Variants in PTPRN2 observed in about 807,000 individuals in gnomAD.
PTPRN2 encodes receptor-type tyrosine-protein phosphatase N2.
A neutral mutation model predicts 118.8 loss-of-function variants in PTPRN2; 74 were observed. The observed-to-expected ratio is 0.62, with a 90% CI of 0.52 to 0.76. The LOEUF is 0.76. Ranked by LOEUF, PTPRN2 falls within the 30% of genes least tolerant of loss-of-function variation. The probability of loss-of-function intolerance (pLI) is 0.00; values close to 1 mark genes in which losing one functional copy is unlikely to be tolerated. For synonymous variants in PTPRN2, 641 were observed against 608.0 expected (o/e 1.05, Z -0.80); for missense variants, 1,481 against 1,394.4 (o/e 1.06, Z -0.99).
chr7:158,219,746 T>A (rs1223755489), intron 3 of PTPRN2, among the ~76,000 whole-genome samples: 1 of 151,678 alleles, frequency 6.6e-6, no homozygotes, highest in Non-Finnish European at 1.5e-5. Context: ...GTTTTCTGGG[T>A]TTTTTCCATT....
intron 11 of PTPRN2, among the ~76,000 whole-genome samples, chr7:158,051,575 G>A (rs1319627571): frequency 6.6e-6 from 1 of 152,200 alleles, no homozygotes; most frequent in Non-Finnish European, 1.5e-5. Flanking sequence ...TCAGGAAGCT[G>A]GAAAAGTGGC....
intron 11 of PTPRN2, among the ~76,000 whole-genome samples, chr7:157,968,952 G>A (rs376479258): frequency 2.9e-4 from 44 of 152,168 alleles, no homozygotes; most frequent in African/African-American, 8.9e-4. Flanking sequence ...GGAAGGTGCC[G>A]AAGAAACAGC....
intron 5 of PTPRN2, among the ~76,000 whole-genome samples, chr7:158,187,725 T>C (rs1473370433): frequency 6.6e-6 from 1 of 152,236 alleles, no homozygotes; most frequent in Non-Finnish European, 1.5e-5. Flanking sequence ...AATAACCGTT[T>C]GACAGCTGTG....
chr7:157,701,556 T>A (rs957388265), intron 12 of PTPRN2, among the ~76,000 whole-genome samples: 6 of 152,180 alleles, frequency 3.9e-5, no homozygotes, highest in African/African-American at 1.4e-4. Flanking sequence ...CTCCGGCAGC[T>A]CCAGATGCAC....
At chr7:158,309,366 C>A (rs145467168) in intron 3 of PTPRN2, among the ~76,000 whole-genome samples, 3 of 100,952 alleles carry the variant, frequency 3.0e-5, no homozygotes, top group Middle Eastern at 4.9e-3. Context: ...TACTCCCCTG[C>A]GGGATGCTTC....
intron 11 of PTPRN2, among the ~76,000 whole-genome samples, chr7:158,025,731 A>G (rs961630021): frequency 6.6e-6 from 1 of 152,232 alleles, no homozygotes; most frequent in Non-Finnish European, 1.5e-5. Flanking sequence ...AAACACTTAT[A>G]AAAAGGATTC....
chr7:158,269,033 G>C (rs977519464), intron 3 of PTPRN2, among the ~76,000 whole-genome samples: 1 of 152,234 alleles, frequency 6.6e-6, no homozygotes, highest in African/African-American at 2.4e-5. Context: ...CCCCGGCTTT[G>C]TTTTCTAGGA....
Position 158,546,463 on chromosome 7 carries a change from G to A in PTPRN2, c.112+41095C>T, listed in dbSNP as rs1288621432. ...CAGCCGCCGGGTTAAGGGGCTCATG[G>A]CGGAGGCAAGCCCCAGTGTCCCAGG... On this transcript the variant is annotated intron_variant, in intron 1 of 22. Transcript: ENST00000389418. This position sits in a 1 kb window ranked among gnomAD's most constrained non-coding sequence, Gnocchi z 5.0. Among the ~76,000 whole-genome samples the A allele has an allele frequency of 1.3e-5, 2 of 152,234 alleles. No homozygotes were observed. The highest frequency in any genetic ancestry group is 4.8e-5 in the African/African-American group (2 of 41,474).
At chr7:157,650,559 C>T (rs1805584618) in intron 14 of PTPRN2, among the ~76,000 whole-genome samples, 1 of 152,208 alleles carries the variant, frequency 6.6e-6, no homozygotes, top group African/African-American at 2.4e-5. Context: ...GCGAGAACGG[C>T]CAGCCCAGCC....
In PTPRN2 at chr7:158,444,106, T is replaced by G. The variant is rs1343870605; in HGVS notation, c.163+45629A>C. 2.6e-5 allele frequency among the ~76,000 whole-genome samples: 4 copies of G among 152,232 alleles called. 1 individual carries two copies. In the South Asian group the frequency reaches 8.3e-4, roughly 32 times the overall value. On this transcript the variant is annotated intron_variant, in intron 2 of 22. Transcript: ENST00000389418. ...GAGAAGGGAGGGGGCCTGTGGGCAC[T>G]GCCACTCACCCCTCCAACAGGCAGG...
At chr7:158,359,390 C>A (rs369699935) in intron 2 of PTPRN2, among the ~76,000 whole-genome samples, 4 of 152,170 alleles carry the variant, frequency 2.6e-5, no homozygotes, top group Non-Finnish European at 5.9e-5. Flanking sequence ...GCGAGGCCAA[C>A]ACACAGTCAC....
intron 1 of PTPRN2, among the ~76,000 whole-genome samples, chr7:158,549,522 G>A (rs1312862382): frequency 6.6e-6 from 1 of 152,240 alleles, no homozygotes; most frequent in Non-Finnish European, 1.5e-5. Flanking sequence ...CGTAAGCTAC[G>A]GAGGTTCTGC....
chr7:158,072,056 C>CGT, intron 11 of PTPRN2, among the ~76,000 whole-genome samples: 1 of 124,020 alleles, frequency 8.1e-6, no homozygotes, highest in African/African-American at 3.1e-5. Context: ...GGTGGAGGTT[C>CGT]CCGTGGTGGT....
At position 158,586,571 on chromosome 7, in the gene PTPRN2, T is replaced by G. The variant is rs759598626; in HGVS notation, c.112+987A>C. On this transcript the variant is annotated intron_variant, in intron 1 of 22. Coordinates refer to ENST00000389418, the MANE Select transcript of PTPRN2 (RefSeq NM_002847.5). ...ACATTGGCTTTATGGTAAATCTTCT[T>G]AATAAACAAGATTAGCAGGAAAGGA... Among the ~76,000 whole-genome samples, 35 of 152,360 alleles carry G rather than the reference T, an allele frequency of 2.3e-4. 1 individual carries two copies. The highest frequency in any genetic ancestry group is 3.4e-3 in the Middle Eastern group (1 of 294).
chr7:158,453,954 G>C (rs1612679), intron 2 of PTPRN2, among the ~76,000 whole-genome samples: 1,624 of 57,780 alleles, frequency 0.028, no homozygotes, highest in Middle Eastern at 0.054. Context: ...CACAATCACC[G>C]ATGTCAGGAC....
chr7:157,634,466 G>A (rs1804175429), intron 14 of PTPRN2, among the ~76,000 whole-genome samples: 1 of 152,182 alleles, frequency 6.6e-6, no homozygotes, highest in Non-Finnish European at 1.5e-5. Context: ...AATTTAAAAT[G>A]TAAAGACAAC....
chr7:157,877,177 C>T (rs899223305), intron 12 of PTPRN2, among the ~76,000 whole-genome samples: 1 of 147,794 alleles, frequency 6.8e-6, no homozygotes, highest in East Asian at 2.0e-4. Flanking sequence ...AGTGCAGCAC[C>T]AGGGTTTCCT....
intron 13 of PTPRN2, among the ~76,000 whole-genome samples, chr7:157,681,613 G>A (rs897902744): frequency 6.6e-6 from 1 of 152,218 alleles, no homozygotes; most frequent in African/African-American, 2.4e-5. Flanking sequence ...TAAGCATAGA[G>A]ATTGTGTAAA....
chr7:158,157,720 T>C (rs1187529036), intron 6 of PTPRN2, among the ~76,000 whole-genome samples: 1 of 152,046 alleles, frequency 6.6e-6, no homozygotes, highest in Non-Finnish European at 1.5e-5. Flanking sequence ...AGACGAACCC[T>C]GTTCCCGCTA....
Sources: allele counts gnomAD v4.1 joint callset (sites outside exome capture counted in the v4.1 genomes callset), GRCh38; gene constraint gnomAD v4.1.1; non-coding constraint Gnocchi (gnomAD v3.1); transcripts MANE v1.5; gene names NCBI Gene and HGNC (gene_info 2026-07-23, HGNC 2026-07-21).